The following LRPPRC variants were observed in gnomAD, a reference collection of about 807,000 sequenced individuals.
LRPPRC encodes leucine rich pentatricopeptide repeat containing.
A neutral mutation model predicts 180.3 loss-of-function variants in LRPPRC; 120 were observed. That is an observed-to-expected ratio of 0.67 (90% confidence interval 0.57 to 0.77). The LOEUF (loss-of-function observed/expected upper bound fraction) is 0.77. LRPPRC is among the 30% of genes least tolerant of loss of function. The probability of loss-of-function intolerance (pLI) is 0.00; values close to 1 mark genes in which losing one functional copy is unlikely to be tolerated. For synonymous variants in LRPPRC, 723 were observed against 600.0 expected (o/e 1.21, Z -3.00); for missense variants, 2,012 against 1,657.2 (o/e 1.21, Z -3.72).
At chr2:43,994,628 C>T (rs1674938861) in intron 1 of LRPPRC, among the ~76,000 whole-genome samples, 1 of 152,180 alleles carries the variant, frequency 6.6e-6, no homozygotes, top group South Asian at 2.1e-4. Context: ...ACTGCAGATC[C>T]CTGGCTCTCA....
intron 25 of LRPPRC, among the ~76,000 whole-genome samples, chr2:43,930,722 CCT>C (rs1241480949): frequency 6.6e-6 from 1 of 152,088 alleles, no homozygotes; most frequent in Non-Finnish European, 1.5e-5. Context: ...TTTGAAAGCC[CCT>C]GATACACAAA....
intron 29 of LRPPRC, among the ~76,000 whole-genome samples, chr2:43,915,248 A>T (rs1395057670): frequency 0.035 from 4,229 of 122,110 alleles, 98 homozygotes; most frequent in South Asian, 0.055. Context: ...ACACACACAC[A>T]CACACACACA....
At chr2:43,940,448 C>T (rs561074647) in intron 23 of LRPPRC, among the ~76,000 whole-genome samples, 15 of 152,180 alleles carry the variant, frequency 9.9e-5, no homozygotes, top group African/African-American at 3.1e-4. Flanking sequence ...AAATTGTGAC[C>T]TTTATGAACT....
chr2:43,982,502 T>G, intron 1 of LRPPRC, 68 bp from the exon 2 acceptor site: 1 of 1,215,326 alleles, frequency 8.2e-7, no homozygotes, highest in Non-Finnish European at 1.2e-6. Context: ...GAACAAAACT[T>G]AAACAAATTT....
In LRPPRC at chr2:43,931,930, A is replaced by G. The variant is rs555591198; in HGVS notation, c.2736+2260T>C. Among the ~76,000 whole-genome samples the G allele has an allele frequency of 2.0e-5, 3 of 151,848 alleles. No homozygotes were observed. In the East Asian group the frequency reaches 5.8e-4, roughly 30 times the overall value. ...TTCTCAGTCTTTCTCCCTTCCCTTCATTCTAGTCAAAGAGATAGACCTTTA... is the reference window on the plus strand; with the variant it reads ...TTCTCAGTCTTTCTCCCTTCCCTTCGTTCTAGTCAAAGAGATAGACCTTTA... On this transcript the variant is annotated intron_variant, in intron 25 of 37. Transcript: ENST00000260665.
intron 18 of LRPPRC, 49 bp downstream of exon 18, chr2:43,948,073 T>C (rs1337239571): frequency 1.7e-6 from 2 of 1,197,822 alleles, no homozygotes; most frequent in Non-Finnish European, 2.5e-6. Flanking sequence ...AACATGCTGT[T>C]ATATGTAAGT....
At chr2:43,987,268 G>C (rs1213142286) in intron 1 of LRPPRC, among the ~76,000 whole-genome samples, 1 of 152,056 alleles carries the variant, frequency 6.6e-6, no homozygotes, top group South Asian at 2.1e-4. Flanking sequence ...GGCCGAGGCG[G>C]GCAGATCACG....
chr2:43,961,605 T>A (rs960928954), intron 12 of LRPPRC, among the ~76,000 whole-genome samples: 1 of 152,180 alleles, frequency 6.6e-6, no homozygotes, highest in African/African-American at 2.4e-5. Flanking sequence ...CAACAAACAT[T>A]TATTATGTAA....
At chr2:43,991,307 T>C (rs57721046) in intron 1 of LRPPRC, among the ~76,000 whole-genome samples, 32,187 of 152,038 alleles carry the variant, frequency 0.21, 4,312 homozygotes, top group African/African-American at 0.37. Context: ...GCTGGGATTA[T>C]GGGTGTGAAC....
chr2:43,949,335 A>G (rs1369702961), intron 16 of LRPPRC, among the ~76,000 whole-genome samples: 2 of 152,204 alleles, frequency 1.3e-5, no homozygotes, highest in African/African-American at 4.8e-5. Context: ...CTGATTTTTA[A>G]GCCTATTTCC....
At chr2:43,967,313 C>G (rs1168371062) in intron 11 of LRPPRC, among the ~76,000 whole-genome samples, 1 of 152,164 alleles carries the variant, frequency 6.6e-6, no homozygotes, top group Non-Finnish European at 1.5e-5. Context: ...GGGAAAATCT[C>G]AAGCCTGGGA....
intron 4 of LRPPRC, 44 bp from the exon 5 acceptor site, chr2:43,977,096 T>TC: frequency 6.2e-7 from 1 of 1,609,344 alleles, no homozygotes; most frequent in African/African-American, 1.3e-5. Flanking sequence ...TACTTTTTTT[T>TC]CTGAGTAAAG....
chr2:43,950,009 C>T (rs1158485454), intron 15 of LRPPRC, among the ~76,000 whole-genome samples: 2 of 152,142 alleles, frequency 1.3e-5, no homozygotes, highest in South Asian at 2.1e-4. Context: ...TATTATTCCT[C>T]ATTATATTGC....
chr2:43,907,567 C>T (rs1195536814), intron 30 of LRPPRC, among the ~76,000 whole-genome samples: 1 of 152,092 alleles, frequency 6.6e-6, no homozygotes, highest in African/African-American at 2.4e-5. Context: ...CCACTAGCCA[C>T]ATGGCTACTC....
chr2:43,994,792 T>A (rs1169636873), intron 1 of LRPPRC, among the ~76,000 whole-genome samples: 1 of 152,226 alleles, frequency 6.6e-6, no homozygotes, highest in Non-Finnish European at 1.5e-5. Flanking sequence ...CAACTTTTCT[T>A]TTCCCCTCCA....
At chr2:43,963,799 A>G in intron 11 of LRPPRC, 93 bp from the exon 12 acceptor site, 3 of 798,968 alleles carry the variant, frequency 3.8e-6, no homozygotes, top group East Asian at 2.4e-5. Flanking sequence ...TCTGAATCAC[A>G]GTATAAGAAA....
intron 37 of LRPPRC, among the ~76,000 whole-genome samples, chr2:43,889,023 T>C (rs1670378089): frequency 6.6e-6 from 1 of 152,162 alleles, no homozygotes; most frequent in East Asian, 1.9e-4. Context: ...ATTTCTCTTA[T>C]TAAAGAAAAC....
rs1451539603 is a variant in LRPPRC, at chr2:43,925,162, AAAGT to A, written c.2806-9_2806-6del. ...TAATTTTTCCAGAGTTTCAACCTTAAAAGTAAGATTAAGAGATAGATCTACCTTG... is the reference window on the plus strand; with the variant it reads ...TAATTTTTCCAGAGTTTCAACCTTAAAAGATTAAGAGATAGATCTACCTTG... On this transcript the variant is annotated splice_region_variant and splice_polypyrimidine_tract_variant and intron_variant, in intron 26 of 37. Transcript: ENST00000260665. The A allele has an allele frequency of 2.1e-6, 3 of 1,455,324 alleles. No individual in the cohort carries two copies. The highest frequency in any genetic ancestry group is 1.4e-5 in the African/African-American group (1 of 71,892). The allele number at this position is 1,455,324 out of a possible 1,614,324, so 90.2% of individuals were successfully genotyped here. A position where few individuals can be genotyped will look rare whatever the true frequency, so the allele number is the denominator to read the frequency against.
intron 31 of LRPPRC, among the ~76,000 whole-genome samples, chr2:43,904,230 T>C (rs559583931): frequency 5.3e-4 from 80 of 152,118 alleles, no homozygotes; most frequent in Admixed American, 1.8e-3. Context: ...GTGTGAGCCA[T>C]TGCGCCTAGC....
Sources: gnomAD v4.1 joint callset for allele counts (sites outside exome capture counted in the v4.1 genomes callset) on GRCh38, gnomAD v4.1.1 for gene constraint, MANE v1.5 for transcripts, NCBI Gene and HGNC (gene_info 2026-07-23, HGNC 2026-07-21) for gene names.